B4GALNT3: variants seen among roughly 807,000 people sequenced by gnomAD.
The protein encoded by B4GALNT3 is beta-1,4-N-acetylgalactosaminyltransferase 3.
In B4GALNT3, 86 loss-of-function variants were observed where a neutral mutation model predicts 120.2. That is an observed-to-expected ratio of 0.72 (90% CI 0.60 to 0.86). The LOEUF is 0.86. Ranked by LOEUF, B4GALNT3 falls within the 40% of genes least tolerant of loss-of-function variation. The pLI is 0.00. For synonymous variants in B4GALNT3, 518 were observed against 510.4 expected, an observed-to-expected ratio of 1.01 and a Z score of -0.20; for missense variants, 1,167 against 1,298.9, an observed-to-expected ratio of 0.90 and a Z score of 1.56.
chr12:512,787 C>T (rs1946605103), intron 1 of B4GALNT3, among the ~76,000 whole-genome samples: 1 of 144,628 alleles, frequency 6.9e-6, no homozygotes, highest in Non-Finnish European at 1.5e-5. Context: ...GCCTTCCTTC[C>T]ACCTTCCGCC....
At chr12:505,564 A>G (rs1472947589) in intron 1 of B4GALNT3, among the ~76,000 whole-genome samples, 2 of 152,174 alleles carry the variant, frequency 1.3e-5, no homozygotes, top group African/African-American at 4.8e-5. Context: ...GCCTGGGGGA[A>G]CATTTGCCCC....
chr12:527,884 T>C (rs1470865285), intron 1 of B4GALNT3, among the ~76,000 whole-genome samples: 1 of 146,612 alleles, frequency 6.8e-6, no homozygotes, highest in Non-Finnish European at 1.5e-5. Flanking sequence ...CATGGAGAGA[T>C]GTTAGTCAAA....
intron 1 of B4GALNT3, among the ~76,000 whole-genome samples, chr12:514,355 G>A (rs969962027): frequency 6.6e-5 from 10 of 152,076 alleles, no homozygotes; most frequent in Admixed American, 1.3e-4. Context: ...CCGCCACCAC[G>A]CCTGGCTAAT....
chr12:482,708 A>G (rs1946253522), intron 1 of B4GALNT3, among the ~76,000 whole-genome samples: 1 of 152,132 alleles, frequency 6.6e-6, no homozygotes. Context: ...TTTCTTAAGC[A>G]TATGCAGCCA....
chr12:531,987 G>A (rs1381280363), intron 1 of B4GALNT3, among the ~76,000 whole-genome samples: 2 of 131,088 alleles, frequency 1.5e-5, no homozygotes, highest in Non-Finnish European at 1.7e-5. Context: ...AAAAAAAAAA[G>A]GGAGGGTCTT....
At chr12:533,850 C>G (rs1401882340) in intron 1 of B4GALNT3, among the ~76,000 whole-genome samples, 3 of 152,190 alleles carry the variant, frequency 2.0e-5, no homozygotes, top group African/African-American at 7.2e-5. Context: ...CCTGATCCCA[C>G]CCCTCCCCAG....
At chr12:524,536 T>C (rs1406037470) in intron 1 of B4GALNT3, among the ~76,000 whole-genome samples, 1 of 152,066 alleles carries the variant, frequency 6.6e-6, no homozygotes, top group Admixed American at 6.6e-5. Flanking sequence ...CCTGGAAAAC[T>C]TTTTTGGCCT....
chr12:531,374 C>G (rs1014766533), intron 1 of B4GALNT3, among the ~76,000 whole-genome samples: 2 of 152,170 alleles, frequency 1.3e-5, no homozygotes, highest in Non-Finnish European at 2.9e-5. Context: ...GAAGGCTGAG[C>G]ACGGTGGCTC....
intron 7 of B4GALNT3, among the ~76,000 whole-genome samples, chr12:547,680 TCTC>T (rs1249041927): frequency 1.3e-5 from 2 of 152,050 alleles, no homozygotes; most frequent in Non-Finnish European, 2.9e-5. Context: ...GCCTCTGTGT[TCTC>T]CTCTACGAAC....
At position 561,446 on chromosome 12, in the gene B4GALNT3, C is replaced by T. The variant is rs750704981; in HGVS notation, c.2992C>T (p.Leu998=). Residue 998 remains leucine (L), a synonymous_variant, in exon 20 of 20, where the codon CTG becomes TTG. Coordinates refer to ENST00000266383, the MANE Select transcript of B4GALNT3 (RefSeq NM_173593.4). ...GTGGAGCCGTCGCCAGATGAAGACG[C>T]TGTAGCCGGAGGGTGTCCGCGGGGC... ...GMWSRRQMKT[L] The T allele has an allele frequency of 6.2e-7, 1 of 1,611,766 alleles. No homozygotes were observed. Among genetic ancestry groups the T allele is most frequent in the South Asian group, 1.1e-5 (1 of 90,954 alleles).
chr12:511,315 C>T, intron 1 of B4GALNT3, among the ~76,000 whole-genome samples: 1 of 101,636 alleles, frequency 9.8e-6, no homozygotes. Context: ...CCACCTTCCG[C>T]CTTCTGCCTT....
intron 14 of B4GALNT3, among the ~76,000 whole-genome samples, chr12:554,756 C>T (rs76330720): frequency 9.3e-6 from 1 of 108,052 alleles, no homozygotes; most frequent in Non-Finnish European, 1.8e-5. Flanking sequence ...CGCCACTGCA[C>T]TCCAGCCTGG....
chr12:475,395 A>G (rs1233829789), intron 1 of B4GALNT3, among the ~76,000 whole-genome samples: 1 of 152,208 alleles, frequency 6.6e-6, no homozygotes, highest in Non-Finnish European at 1.5e-5. Flanking sequence ...TGGGAGAAAG[A>G]GAGCCAGGAA....
chr12:499,513 C>G (rs1946420066), intron 1 of B4GALNT3, among the ~76,000 whole-genome samples: 1 of 115,642 alleles, frequency 8.6e-6, no homozygotes, highest in South Asian at 3.3e-4. Context: ...CTCTCACTAT[C>G]TACTAGCCCG....
chr12:466,568 C>T (rs886578133), intron 1 of B4GALNT3, among the ~76,000 whole-genome samples: 2 of 152,042 alleles, frequency 1.3e-5, no homozygotes, highest in East Asian at 1.9e-4. Context: ...TACAAAAATG[C>T]GAGTGGAAGA....
At chr12:525,370 A>G (rs1946751336) in intron 1 of B4GALNT3, among the ~76,000 whole-genome samples, 1 of 152,156 alleles carries the variant, frequency 6.6e-6, no homozygotes, top group South Asian at 2.1e-4. Flanking sequence ...CGACCTCCCA[A>G]AGTGCTGGGA....
intron 1 of B4GALNT3, among the ~76,000 whole-genome samples, chr12:511,726 C>T (rs1455270063): frequency 7.7e-6 from 1 of 129,468 alleles, no homozygotes; most frequent in Non-Finnish European, 1.7e-5. Context: ...CCGCCTTCCA[C>T]CTTCCTTCCA....
intron 1 of B4GALNT3, among the ~76,000 whole-genome samples, chr12:473,211 T>C (rs1193111669): frequency 5.4e-5 from 8 of 148,210 alleles, no homozygotes; most frequent in Non-Finnish European, 3.0e-5. Flanking sequence ...CAAGCAATCC[T>C]CTTTCCTCAG....
intron 5 of B4GALNT3, 150 bp from the exon 6 acceptor site, chr12:545,219 C>G (rs1946977918): frequency 2.7e-6 from 4 of 1,456,814 alleles, no homozygotes; most frequent in African/African-American, 2.8e-5. Flanking sequence ...CACACTGTCT[C>G]CCAGGATGTA....
Sources: allele counts gnomAD v4.1 joint callset (sites outside exome capture counted in the v4.1 genomes callset), GRCh38; gene constraint gnomAD v4.1.1; transcripts MANE v1.5; gene names NCBI Gene and HGNC (gene_info 2026-07-23, HGNC 2026-07-21).